SH3BGRL2: variants seen among roughly 807,000 people sequenced by gnomAD.
SH3BGRL2 encodes SH3 domain-binding glutamic acid-rich-like protein 2.
A neutral mutation model predicts 14.8 loss-of-function variants in SH3BGRL2; 21 were observed. That is an observed-to-expected ratio of 1.42 (90% CI 1.01 to 2.05). The LOEUF (loss-of-function observed/expected upper bound fraction) is 2.05. SH3BGRL2 is among the 30% of genes most tolerant of loss of function. The pLI, the probability that SH3BGRL2 is intolerant of heterozygous loss-of-function variation, is 0.00. For missense variants in SH3BGRL2, 147 were observed against 130.8 expected (o/e 1.12, Z -0.61); for synonymous variants, 50 against 47.8 (o/e 1.05, Z -0.19).
chr6:79,697,187 A>C (rs1770349490), intron 3 of SH3BGRL2, among the ~76,000 whole-genome samples: 1 of 152,164 alleles, frequency 6.6e-6, no homozygotes, highest in African/African-American at 2.4e-5. Context: ...TACTATTTTG[A>C]TATTATTTCT....
chr6:79,604,892 A>G, the SH3BGRL2 span, among the ~76,000 whole-genome samples: 1 of 152,188 alleles, frequency 6.6e-6, no homozygotes, highest in African/African-American at 2.4e-5. Context: ...TGCAGTTTAC[A>G]TGTGAGAGGA....
chr6:79,690,559 C>T (rs1004788839), intron 2 of SH3BGRL2, among the ~76,000 whole-genome samples: 10 of 152,084 alleles, frequency 6.6e-5, no homozygotes, highest in South Asian at 2.1e-4. Flanking sequence ...AGAATTCTGG[C>T]GTTCCAAGGG....
At chr6:79,657,284 T>C (rs1287102206) in intron 1 of SH3BGRL2, among the ~76,000 whole-genome samples, 2 of 152,126 alleles carry the variant, frequency 1.3e-5, no homozygotes, top group Admixed American at 1.3e-4. Context: ...AAGAAATTCT[T>C]GGAGGTATCA....
chr6:79,683,953 C>G (rs779365629), intron 2 of SH3BGRL2, among the ~76,000 whole-genome samples: 17 of 152,168 alleles, frequency 1.1e-4, no homozygotes, highest in Non-Finnish European at 2.5e-4. Flanking sequence ...AAATTTTGAC[C>G]TACGTTGTAG....
chr6:79,668,406 A>T (rs1769704188), intron 1 of SH3BGRL2, among the ~76,000 whole-genome samples: 1 of 152,038 alleles, frequency 6.6e-6, no homozygotes, highest in Non-Finnish European at 1.5e-5. Flanking sequence ...CTTCATGCGG[A>T]GTCAGGAGAC....
rs1562162323 is a variant in SH3BGRL2 at position 79,700,999 on chromosome 6, C to T, written c.*1490C>T. The T allele has an allele frequency of 6.6e-6, 1 of 152,140 alleles. No homozygotes were observed. The highest frequency in any genetic ancestry group is 1.5e-5 in the Non-Finnish European group (1 of 68,040). The allele number at this position is 152,140 out of a possible 1,614,324, so 9.4% of individuals were successfully genotyped here. On this transcript the variant is annotated 3_prime_UTR_variant, in exon 4 of 4. Coordinates refer to ENST00000369838, the MANE Select transcript of SH3BGRL2 (RefSeq NM_031469.4). ...AGCCCTGTCACATGTGCCCAGCACT[C>T]CGCCCCATGCCTTGCTAAATGTAGA...
the SH3BGRL2 span, among the ~76,000 whole-genome samples, chr6:79,612,788 C>T: frequency 6.6e-6 from 1 of 152,174 alleles, no homozygotes; most frequent in African/African-American, 2.4e-5. Flanking sequence ...CCACTTTGCT[C>T]AGTGTTTAGT....
At chr6:79,679,743 C>CT (rs1477954406) in intron 2 of SH3BGRL2, among the ~76,000 whole-genome samples, 1 of 152,104 alleles carries the variant, frequency 6.6e-6, no homozygotes, top group East Asian at 1.9e-4. Flanking sequence ...TCCTCACCAA[C>CT]TTTTTTTGTT....
chr6:79,558,924 A>G, the SH3BGRL2 span, among the ~76,000 whole-genome samples: 1 of 152,054 alleles, frequency 6.6e-6, no homozygotes, highest in Non-Finnish European at 1.5e-5. Flanking sequence ...GGAGGAGGAG[A>G]AGAAGGAGGT....
At chr6:79,615,716 A>G in the SH3BGRL2 span, among the ~76,000 whole-genome samples, 1 of 152,166 alleles carries the variant, frequency 6.6e-6, no homozygotes, top group Non-Finnish European at 1.5e-5. Context: ...GCACACAATA[A>G]ACTATACCCA....
intron 2 of SH3BGRL2, among the ~76,000 whole-genome samples, chr6:79,684,498 T>A (rs1186081351): frequency 1.3e-5 from 2 of 152,168 alleles, no homozygotes; most frequent in African/African-American, 4.8e-5. Context: ...AGAACATACC[T>A]AACAAACATG....
At chr6:79,541,192 G>A in the SH3BGRL2 span, among the ~76,000 whole-genome samples, 214 of 152,224 alleles carry the variant, frequency 1.4e-3, 4 homozygotes, top group African/African-American at 5.1e-3. Context: ...GGCAAAGGTT[G>A]CAGTGAGCTG....
At chr6:79,563,398 C>T in the SH3BGRL2 span, among the ~76,000 whole-genome samples, 1 of 152,036 alleles carries the variant, frequency 6.6e-6, no homozygotes, top group Admixed American at 6.5e-5. Context: ...AGGAGTGAGC[C>T]ACAGCGCCCC....
At chr6:79,610,335 T>A in the SH3BGRL2 span, among the ~76,000 whole-genome samples, 1 of 152,328 alleles carries the variant, frequency 6.6e-6, no homozygotes, top group Non-Finnish European at 1.5e-5. Context: ...GTGCCATTGT[T>A]TAGAGTCAAA....
the SH3BGRL2 span, among the ~76,000 whole-genome samples, chr6:79,603,689 G>A: frequency 5.3e-5 from 8 of 152,102 alleles, no homozygotes. Context: ...CCACCATTGT[G>A]GCCCACAATG....
chr6:79,672,124 CAG>C (rs890864137), intron 1 of SH3BGRL2, among the ~76,000 whole-genome samples: 4 of 152,190 alleles, frequency 2.6e-5, no homozygotes, highest in Non-Finnish European at 4.4e-5. Flanking sequence ...TTGTATAAAA[CAG>C]GGCATCTCTG....
chr6:79,548,428 G>A, the SH3BGRL2 span, among the ~76,000 whole-genome samples: 2 of 152,098 alleles, frequency 1.3e-5, no homozygotes, highest in Non-Finnish European at 2.9e-5. Flanking sequence ...TGACTACTTA[G>A]TTTTTCAGTA....
chr6:79,644,143 C>A (rs1769083779), intron 1 of SH3BGRL2, among the ~76,000 whole-genome samples: 1 of 152,122 alleles, frequency 6.6e-6, no homozygotes, highest in African/African-American at 2.4e-5. Flanking sequence ...CATCTTGAAC[C>A]CTAGGTTACT....
the SH3BGRL2 span, among the ~76,000 whole-genome samples, chr6:79,600,023 C>T: frequency 1.1e-3 from 163 of 152,248 alleles, no homozygotes; most frequent in African/African-American, 3.6e-3. Flanking sequence ...ACACATGGCC[C>T]TCCTGAGCAA....
Sources: allele counts gnomAD v4.1 joint callset (sites outside exome capture counted in the v4.1 genomes callset), GRCh38; gene constraint gnomAD v4.1.1; transcripts MANE v1.5; gene names NCBI Gene and HGNC (gene_info 2026-07-23, HGNC 2026-07-21).